Variants in ZNF83 observed in about 807,000 individuals in gnomAD.
ZNF83 encodes the protein zinc finger protein 816B.
For synonymous variants in ZNF83, 209 were observed against 213.0 expected (o/e 0.98, Z 0.17); for missense variants, 552 against 629.9 (o/e 0.88, Z 1.32).
exon 3 of ZNF83, chr19:52,613,433 AT>A: frequency 6.2e-7 from 1 of 1,614,064 alleles, no homozygotes; most frequent in Non-Finnish European, 8.5e-7. Context: ...GCTTTGTCAC[AT>A]TCATCACACT....
In ZNF83 at chr19:52,671,556, G is replaced by A. The variant is rs903003010; in HGVS notation, c.-282-10713C>T. Among the ~76,000 whole-genome samples the A allele has an allele frequency of 7.2e-5, 11 of 151,818 alleles. 1 individual carries two copies. Among genetic ancestry groups the A allele is most frequent in the Admixed American group, 3.3e-4 (5 of 15,228 alleles). ...CCTCTGGTGCTCAAGCAATCCTCCC[G>A]CCACACCTCCCAACTAGCTGGAGCT... On this transcript the variant is annotated intron_variant, in intron 1 of 5. Coordinates refer to the ZNF83 transcript ENST00000594682.
chr19:52,684,482 G>A (rs1487548384), intron 1 of ZNF83, among the ~76,000 whole-genome samples: 1 of 150,736 alleles, frequency 6.6e-6, no homozygotes, highest in Non-Finnish European at 1.5e-5. Context: ...CTAGGAGACA[G>A]AGATTGCAGT....
At chr19:52,675,300 C>T (rs1462084198) in intron 1 of ZNF83, among the ~76,000 whole-genome samples, 1 of 152,242 alleles carries the variant, frequency 6.6e-6, no homozygotes, top group Non-Finnish European at 1.5e-5. Flanking sequence ...AGACTTGATC[C>T]TAGGCCTGAA....
chr19:52,687,636 TATATA>T (rs1327532589), intron 1 of ZNF83, among the ~76,000 whole-genome samples: 1 of 15,978 alleles, frequency 6.3e-5, no homozygotes, highest in African/African-American at 4.5e-4. Flanking sequence ...ATATAATGTA[TATATA>T]TATATATATA....
At chr19:52,669,085 C>G (rs1275256768) in intron 1 of ZNF83, among the ~76,000 whole-genome samples, 1 of 152,208 alleles carries the variant, frequency 6.6e-6, no homozygotes, top group Non-Finnish European at 1.5e-5. Flanking sequence ...TTATTCATCC[C>G]TGAGCAGATG....
chr19:52,626,618 A>G (rs767902509), intron 2 of ZNF83, among the ~76,000 whole-genome samples: 2 of 152,104 alleles, frequency 1.3e-5, no homozygotes, highest in Non-Finnish European at 2.9e-5. Context: ...ACAAAACCAC[A>G]TTCAGACCAT....
At chr19:52,632,894 C>T (rs1022367823) in intron 2 of ZNF83, among the ~76,000 whole-genome samples, 1 of 152,318 alleles carries the variant, frequency 6.6e-6, no homozygotes, top group East Asian at 1.9e-4. Flanking sequence ...GTCTCTCCCA[C>T]TCTAGGTTCC....
At chr19:52,629,362 G>C (rs1232543793) in intron 2 of ZNF83, among the ~76,000 whole-genome samples, 1 of 151,960 alleles carries the variant, frequency 6.6e-6, no homozygotes, top group Admixed American at 6.6e-5. Context: ...CCTCCTGCCT[G>C]TTCCCTCAGT....
At chr19:52,631,096 C>T (rs60527873) in intron 2 of ZNF83, among the ~76,000 whole-genome samples, 3,880 of 122,124 alleles carry the variant, frequency 0.032, 259 homozygotes, top group African/African-American at 0.1. Context: ...CTGACCCTGA[C>T]ACCCATTAGG....
chr19:52,629,771 G>T (rs1279696550), intron 2 of ZNF83, among the ~76,000 whole-genome samples: 1 of 151,610 alleles, frequency 6.6e-6, no homozygotes, highest in Non-Finnish European at 1.5e-5. Flanking sequence ...GACCCTAAAA[G>T]GTCAAAAGGC....
At chr19:52,625,782 A>G (rs1366935778) in intron 2 of ZNF83, among the ~76,000 whole-genome samples, 1 of 152,170 alleles carries the variant, frequency 6.6e-6, no homozygotes, top group African/African-American at 2.4e-5. Flanking sequence ...GTTTGCTTGT[A>G]GACACTCAAT....
At chr19:52,618,558 G>A (rs1380140372) in intron 2 of ZNF83, 5 of 213,770 alleles carry the variant, frequency 2.3e-5, no homozygotes, top group Admixed American at 5.3e-5. Flanking sequence ...CACCGCGCCT[G>A]GCCAATTTTT....
intron 2 of ZNF83, chr19:52,618,799 C>T (rs2060419426): frequency 1.5e-6 from 2 of 1,359,590 alleles, no homozygotes; most frequent in Non-Finnish European, 2.0e-6. Flanking sequence ...CCAGATGCTA[C>T]ATCATGAAGC....
At chr19:52,673,553 A>G (rs2061756642) in intron 1 of ZNF83, among the ~76,000 whole-genome samples, 2 of 152,160 alleles carry the variant, frequency 1.3e-5, no homozygotes, top group African/African-American at 2.4e-5. Flanking sequence ...GAAAAAAAAT[A>G]TAGAAAGTCA....
At chr19:52,618,000 G>T (rs781204034) in intron 2 of ZNF83, 2 of 152,300 alleles carry the variant, frequency 1.3e-5, no homozygotes, top group Non-Finnish European at 2.9e-5. Context: ...GTAATATGTG[G>T]ACACTGAGCT....
chr19:52,652,684 C>A, intron 3 of ZNF83: 1 of 600,904 alleles, frequency 1.7e-6, no homozygotes. Flanking sequence ...ATTTGCAATG[C>A]TTGTAGCATT....
At chr19:52,681,804 T>C (rs192588406) in intron 1 of ZNF83, among the ~76,000 whole-genome samples, 13 of 152,302 alleles carry the variant, frequency 8.5e-5, no homozygotes, top group Middle Eastern at 3.4e-3. Context: ...TACAAGGTCA[T>C]TGAATGGACA....
At chr19:52,626,062 A>G (rs1013595574) in intron 2 of ZNF83, among the ~76,000 whole-genome samples, 5 of 152,100 alleles carry the variant, frequency 3.3e-5, no homozygotes, top group Admixed American at 1.3e-4. Context: ...CCAAAATTCA[A>G]TTTGCAAATG....
Position 52,656,837 on chromosome 19 carries a change from G to C in ZNF83, c.-200-1150C>G, listed in dbSNP as rs566824776. 4.2e-5 allele frequency among the ~76,000 whole-genome samples: 6 copies of C among 141,396 alleles called. No homozygotes were observed. The South Asian group carries it at 1.1e-3, about 26-fold the overall frequency. The allele number at this position is 141,396 out of a possible 152,430, so 92.8% of individuals were successfully genotyped here. On this transcript the variant is annotated intron_variant, in intron 2 of 5. Coordinates refer to the ZNF83 transcript ENST00000594682. ...GCTGAGATAGTGCCATTTCATTCCA[G>C]CCTATCGACAGAGCGAGACTCCGTC...
Sources: gnomAD v4.1 joint callset for allele counts (sites outside exome capture counted in the v4.1 genomes callset) on GRCh38, gnomAD v4.1.1 for gene constraint, MANE v1.5 for transcripts, NCBI Gene and HGNC (gene_info 2026-07-23, HGNC 2026-07-21) for gene names.